RAP1A: variants seen among roughly 807,000 people sequenced by gnomAD.
The protein encoded by RAP1A is RAP1A, member of RAS oncogene family.
Under a neutral mutation model 26.4 loss-of-function variants are expected in RAP1A, and 6 were observed. The observed-to-expected ratio is 0.23, with a 90% confidence interval of 0.12 to 0.45. RAP1A has a LOEUF of 0.45. Among genes scored for constraint, RAP1A ranks in the 20% least tolerant of loss-of-function variants. RAP1A has a pLI of 0.99. For synonymous variants in RAP1A, 73 were observed against 79.4 expected (o/e 0.92, Z 0.43); for missense variants, 121 against 217.2 (o/e 0.56, Z 2.78).
chr1:111,625,973 C>T (rs1036929702), intron 1 of RAP1A, among the ~76,000 whole-genome samples: 4 of 152,054 alleles, frequency 2.6e-5, no homozygotes, highest in African/African-American at 9.7e-5. Flanking sequence ...CAGATTCAGT[C>T]ATTGAACAGA....
upstream of RAP1A, among the ~76,000 whole-genome samples, chr1:111,618,766 T>C (rs1256787944): frequency 6.6e-6 from 1 of 152,206 alleles, no homozygotes; most frequent in African/African-American, 2.4e-5. Context: ...GATTTCTTTT[T>C]GTTCTTTCAC....
chr1:111,684,995 T>C (rs1381266469), intron 1 of RAP1A, among the ~76,000 whole-genome samples: 2 of 152,204 alleles, frequency 1.3e-5, no homozygotes, highest in African/African-American at 4.8e-5. Flanking sequence ...TACAACCATC[T>C]GATCTTTGAT....
chr1:111,636,779 A>T (rs1195037824), intron 1 of RAP1A, among the ~76,000 whole-genome samples: 1 of 152,198 alleles, frequency 6.6e-6, no homozygotes, highest in African/African-American at 2.4e-5. Flanking sequence ...CTCCCAACCA[A>T]GAAATGTAAA....
chr1:111,645,498 A>G (rs1370487435), intron 1 of RAP1A, among the ~76,000 whole-genome samples: 1 of 152,224 alleles, frequency 6.6e-6, no homozygotes, highest in Non-Finnish European at 1.5e-5. Flanking sequence ...TCCACCAATG[A>G]AGAGAAAGTT....
At position 111,716,625 on chromosome 1, in the gene RAP1A, C is replaced by T. The variant is rs1011074920; in HGVS notation, c.*4224C>T. On this transcript the variant is annotated 3_prime_UTR_variant, in exon 8 of 8. Transcript: ENST00000369709. ...GACATACATTTCCCACTAATTGCTT[C>T]TCTCAAGAAGCAAGAGATTGGCTGT... 2 of 152,196 alleles carry T rather than the reference C, an allele frequency of 1.3e-5. No homozygotes were observed. The allele number at this position is 152,196 out of a possible 1,614,324, so 9.4% of individuals were successfully genotyped here. A position where few individuals can be genotyped will look rare whatever the true frequency, so the allele number is the denominator to read the frequency against.
chr1:111,688,221 T>C (rs1661550638), intron 1 of RAP1A, among the ~76,000 whole-genome samples: 1 of 151,234 alleles, frequency 6.6e-6, no homozygotes, highest in Non-Finnish European at 1.5e-5. Flanking sequence ...TTCTTTGTTT[T>C]ATAGATGTTC....
intron 1 of RAP1A, among the ~76,000 whole-genome samples, chr1:111,643,819 C>G (rs895567183): frequency 2.6e-5 from 4 of 152,208 alleles, no homozygotes; most frequent in Admixed American, 2.6e-4. Flanking sequence ...ATACCATACA[C>G]ACACATGCAT....
rs1169032237 is a variant in RAP1A, at chr1:111,646,437, A to AC, written c.-28+26503_-28+26504insC. On this transcript the variant is annotated intron_variant, in intron 1 of 7. Transcript: ENST00000369709. ...CCTTTTTGTAAAAAAAAAAAAAACAAAACAAAACCTCAATTCCCAAATTAT... is the reference window on the plus strand; with the variant it reads ...CCTTTTTGTAAAAAAAAAAAAAACAACAACAAAACCTCAATTCCCAAATTAT... 5.1e-4 allele frequency among the ~76,000 whole-genome samples: 71 copies of AC among 138,786 alleles called. 2 individuals are homozygous for AC. Among genetic ancestry groups the AC allele is most frequent in the African/African-American group, 2.0e-3 (65 of 32,478 alleles). 91.0% of individuals were successfully genotyped at this position (138,786 alleles called of 152,430 possible).
chr1:111,552,338 G>A lies in RAP1A; in HGVS notation c.-28+9829G>A, dbSNP rs112376174. Reference sequence around the variant, plus strand: ...TGAGCTGGGGAGCTAGAGATGGAACGAAGGCAAGTTATAATGTCACAAGTC... The same window carrying A: ...TGAGCTGGGGAGCTAGAGATGGAACAAAGGCAAGTTATAATGTCACAAGTC... On this transcript the variant is annotated intron_variant, in intron 1 of 7. Coordinates refer to the RAP1A transcript ENST00000356415. Among the ~76,000 whole-genome samples, 248 of 152,276 alleles carry A rather than the reference G, an allele frequency of 1.6e-3. 1 individual carries two copies. Among genetic ancestry groups the A allele is most frequent in the African/African-American group, 5.5e-3 (230 of 41,566 alleles).
At chr1:111,687,774 G>A (rs113660053) in intron 1 of RAP1A, among the ~76,000 whole-genome samples, 1,668 of 152,158 alleles carry the variant, frequency 0.011, 25 homozygotes, top group African/African-American at 0.039. Context: ...AGCACTTTGG[G>A]AGGCCAAGGT....
rs147603686 is a variant in RAP1A at position 111,550,498 on chromosome 1, A to G, written c.-28+7989A>G. ...AAATTTCCCTCTAAGCATTCTTCCA[A>G]CATTCCCTGTATCCCATACATTTTT... On this transcript the variant is annotated intron_variant, in intron 1 of 7. Coordinates refer to the RAP1A transcript ENST00000356415. Among the ~76,000 whole-genome samples the G allele has an allele frequency of 4.8e-3, 725 of 152,140 alleles. 1 individual carries two copies. Among genetic ancestry groups the G allele is most frequent in the African/African-American group, 0.017 (694 of 41,502 alleles).
At position 111,620,046 on chromosome 1, in the gene RAP1A, T is replaced by G. The variant is rs1659138793; in HGVS notation, c.-28+112T>G. On this transcript the variant is annotated intron_variant, in intron 1 of 7. Transcript: ENST00000369709. ...GCCGGTCAGTCGCCTGGCTCCCCCT[T>G]CCTCCTCCGCGTTCCATCGGTGTCG... The G allele has an allele frequency of 7.6e-6, 3 of 393,654 alleles. No individual in the cohort carries two copies. The East Asian group carries it at 1.1e-4, about 14-fold the overall frequency. The allele number at this position is 393,654 out of a possible 1,614,324, so 24.4% of individuals were successfully genotyped here. A position where few individuals can be genotyped will look rare whatever the true frequency, so the allele number is the denominator to read the frequency against.
intron 1 of RAP1A, among the ~76,000 whole-genome samples, chr1:111,629,362 G>T (rs1557871148): frequency 6.6e-6 from 1 of 152,020 alleles, no homozygotes; most frequent in Non-Finnish European, 1.5e-5. Flanking sequence ...CTTTCCACTT[G>T]ACTGAATAAT....
rs144309315 is a variant in RAP1A at position 111,580,149 on chromosome 1, C to A, written c.-28+37640C>A. Among the ~76,000 whole-genome samples the A allele has an allele frequency of 3.5e-3, 540 of 152,216 alleles. 1 individual carries two copies. The highest frequency in any genetic ancestry group is 0.012 in the African/African-American group (503 of 41,516). ...AAGTGAAAAACATAATAGTTGTATGCGTACTCAAAGTATGGTTTCTACTGA... is the reference window on the plus strand; with the variant it reads ...AAGTGAAAAACATAATAGTTGTATGAGTACTCAAAGTATGGTTTCTACTGA... On this transcript the variant is annotated intron_variant, in intron 1 of 7. Transcript: ENST00000356415.
intron 1 of RAP1A, among the ~76,000 whole-genome samples, chr1:111,676,505 T>C (rs1427426912): frequency 2.6e-5 from 4 of 152,036 alleles, no homozygotes; most frequent in Non-Finnish European, 4.4e-5. Flanking sequence ...ATGTATCTAG[T>C]ATTCTGAGAA....
chr1:111,607,537 A>G lies in RAP1A; in HGVS notation c.-28+65028A>G, dbSNP rs545968518. 8.3e-3 allele frequency among the ~76,000 whole-genome samples: 1,240 copies of G among 150,058 alleles called. 23 individuals are homozygous for G. The highest frequency in any genetic ancestry group is 0.016 in the East Asian group (81 of 5,098). On this transcript the variant is annotated intron_variant, in intron 1 of 7. Coordinates refer to the RAP1A transcript ENST00000356415. The stretch of plus-strand genomic sequence containing the variant: ...CAATGAGCTGTTGGGTACACCTCCC[A>G]GACGGGGCGGCTGGCCGGGCAGAGG...
At chr1:111,585,360 T>C (rs1658344217) in intron 1 of RAP1A, among the ~76,000 whole-genome samples, 1 of 152,214 alleles carries the variant, frequency 6.6e-6, no homozygotes, top group African/African-American at 2.4e-5. Context: ...CAATGAAATA[T>C]TTAAACCATA....
intron 1 of RAP1A, among the ~76,000 whole-genome samples, chr1:111,602,024 A>G (rs1223726684): frequency 6.6e-6 from 1 of 152,230 alleles, no homozygotes; most frequent in African/African-American, 2.4e-5. Flanking sequence ...TCCACAGTCT[A>G]TGACCCTTCA....
chr1:111,590,297 G>C (rs1482252527), intron 1 of RAP1A, among the ~76,000 whole-genome samples: 1 of 152,082 alleles, frequency 6.6e-6, no homozygotes, highest in East Asian at 1.9e-4. Flanking sequence ...AGGACCCCCA[G>C]TACTAAATTT....
Sources: gnomAD v4.1 joint callset for allele counts (sites outside exome capture counted in the v4.1 genomes callset) on GRCh38, gnomAD v4.1.1 for gene constraint, MANE v1.5 for transcripts, NCBI Gene and HGNC (gene_info 2026-07-23, HGNC 2026-07-21) for gene names.